Variants in ITGA11 observed in about 807,000 individuals in gnomAD.
ITGA11 encodes integrin alpha-11.
In ITGA11, 97 loss-of-function variants were observed where a neutral mutation model predicts 141.9. That is an observed-to-expected ratio of 0.68 (90% CI 0.58 to 0.81). ITGA11 has a LOEUF of 0.81. Among genes scored for constraint, ITGA11 ranks in the 30% least tolerant of loss-of-function variants. The probability of loss-of-function intolerance (pLI) is 0.00; values close to 1 mark genes in which losing one functional copy is unlikely to be tolerated. For synonymous variants in ITGA11, 658 were observed against 624.6 expected (o/e 1.05, Z -0.80); for missense variants, 1,387 against 1,559.2 (o/e 0.89, Z 1.86).
chr15:68,396,201 G>T (rs1048115360), intron 2 of ITGA11, among the ~76,000 whole-genome samples: 4 of 151,944 alleles, frequency 2.6e-5, no homozygotes, highest in African/African-American at 7.3e-5. Flanking sequence ...ACCAAATGAG[G>T]TTTATCCCAG....
intron 1 of ITGA11, among the ~76,000 whole-genome samples, chr15:68,410,918 G>A (rs1401650762): frequency 1.3e-5 from 2 of 152,212 alleles, no homozygotes; most frequent in African/African-American, 4.8e-5. Flanking sequence ...CAGGGATACT[G>A]CCCTTGGGGA....
chr15:68,321,587 C>A lies in ITGA11; in HGVS notation c.2323-84G>T. 2.7e-6 allele frequency: 2 copies of A among 746,876 alleles called. No homozygotes were observed. The highest frequency in any genetic ancestry group is 4.3e-6 in the Non-Finnish European group (2 of 468,358). 46.3% of individuals were successfully genotyped at this position (746,876 alleles called of 1,614,324 possible). On this transcript the variant is annotated intron_variant, in intron 18 of 29. Coordinates refer to ENST00000315757, the MANE Select transcript of ITGA11 (RefSeq NM_001004439.2). This position sits in a 1 kb window ranked among gnomAD's most constrained non-coding sequence, Gnocchi z 4.9. ...CAATGTACACCAGCTCTGTCTCCAC[C>A]ACACTAGACATGGGCTGGCTTTCCT...
rs1305168912 is a variant in ITGA11, at chr15:68,388,689, CCT to C, written c.164+14227_164+14228del. Among the ~76,000 whole-genome samples the C allele has an allele frequency of 2.0e-5, 3 of 152,288 alleles. No homozygotes were observed. The East Asian group carries it at 5.8e-4, about 29-fold the overall frequency. On this transcript the variant is annotated intron_variant, in intron 2 of 29. Coordinates refer to ENST00000315757, the MANE Select transcript of ITGA11 (RefSeq NM_001004439.2). The stretch of plus-strand genomic sequence containing the variant: ...CATGCCCCTTTCTCAAGCCCCCACC[CCT>C]TAGCTTGAGCATCCTCTTTGCTCAC...
chr15:68,375,495 C>A (rs568614153), intron 2 of ITGA11, among the ~76,000 whole-genome samples: 27 of 152,304 alleles, frequency 1.8e-4, no homozygotes, highest in Non-Finnish European at 2.8e-4. Flanking sequence ...GACCCCGGGG[C>A]TGCCCTGGCT....
chr15:68,376,706 G>T (rs1895737385), intron 2 of ITGA11, among the ~76,000 whole-genome samples: 1 of 152,240 alleles, frequency 6.6e-6, no homozygotes, highest in African/African-American at 2.4e-5. Context: ...GGAAGGCAAG[G>T]TCATTAACTG....
At position 68,415,438 on chromosome 15, in the gene ITGA11, A is replaced by G. The variant is rs77005433; in HGVS notation, c.53-12409T>C. On this transcript the variant is annotated intron_variant, in intron 1 of 29. Coordinates refer to ENST00000315757, the MANE Select transcript of ITGA11 (RefSeq NM_001004439.2). ...ACAGAAGGGAAAGGAGAAGGATTTC[A>G]GCAGCACGGGGGGCTTCTGTGGAAA... is the stretch of plus-strand genomic sequence containing the variant. Among the ~76,000 whole-genome samples the G allele has an allele frequency of 1.9e-3, 290 of 152,364 alleles. 4 individuals carry two copies. The highest frequency in any genetic ancestry group is 6.5e-3 in the African/African-American group (272 of 41,586).
intron 1 of ITGA11, among the ~76,000 whole-genome samples, chr15:68,411,899 AGT>A (rs1464487447): frequency 1.3e-5 from 2 of 151,994 alleles, no homozygotes; most frequent in Non-Finnish European, 2.9e-5. Context: ...CCAGGAAAAG[AGT>A]GAGAGATATT....
intron 1 of ITGA11, among the ~76,000 whole-genome samples, chr15:68,409,699 A>G (rs541910782): frequency 6.6e-6 from 1 of 152,220 alleles, no homozygotes; most frequent in East Asian, 1.9e-4. Context: ...TACATGAACA[A>G]AGCTCTTACT....
intron 11 of ITGA11, chr15:68,336,192 G>A: frequency 3.5e-6 from 1 of 289,612 alleles, no homozygotes; most frequent in Non-Finnish European, 6.5e-6. Flanking sequence ...ATGGGGAGTA[G>A]GGCAGACTCT....
At chr15:68,381,890 C>CAG (rs1895870816) in intron 2 of ITGA11, among the ~76,000 whole-genome samples, 1 of 152,132 alleles carries the variant, frequency 6.6e-6, no homozygotes, top group Admixed American at 6.5e-5. Context: ...AACTACAGCA[C>CAG]AGAGAGGCGA....
At position 68,309,898 on chromosome 15, in the gene ITGA11, C is replaced by T. The variant is rs140022629; in HGVS notation, c.3174+1096G>A. On this transcript the variant is annotated intron_variant, in intron 26 of 29. Coordinates refer to ENST00000315757, the MANE Select transcript of ITGA11 (RefSeq NM_001004439.2). ...GATTACAGGCATGAGCCACCGTGCA[C>T]GGCCTAATGCAGTTTTGTTTACATT... Among the ~76,000 whole-genome samples the T allele has an allele frequency of 2.1e-3, 321 of 152,240 alleles. 1 individual carries two copies. Among genetic ancestry groups the T allele is most frequent in the Admixed American group, 3.9e-3 (60 of 15,300 alleles).
chr15:68,413,843 C>A (rs778433509), intron 1 of ITGA11, among the ~76,000 whole-genome samples: 1 of 152,172 alleles, frequency 6.6e-6, no homozygotes, highest in Admixed American at 6.5e-5. Context: ...CGGAGCCATG[C>A]GCATTTAGGA....
Position 68,357,008 on chromosome 15 carries a change from CCAGT to C in ITGA11, c.749+139_749+142del, listed in dbSNP as rs1398847986. On this transcript the variant is annotated intron_variant, in intron 7 of 29. Transcript: ENST00000315757. ...CCAAGAGAAAACCGACCAGCTGAGC[CCAGT>C]CAAACTCCAGAATTTTGAGGAATTA... is the stretch of plus-strand genomic sequence containing the variant. The C allele has an allele frequency of 1.3e-5, 10 of 759,176 alleles. No individual in the cohort carries two copies. The East Asian group carries it at 1.4e-4, about 10-fold the overall frequency. 47.0% of individuals were successfully genotyped at this position (759,176 alleles called of 1,614,324 possible).
rs1248094721 is a variant in ITGA11, at chr15:68,324,105, TTTGCCAGCC to T, written c.2322+1017_2322+1025del. ...CCGGCTCACTAACGATGAATCCAGC[TTTGCCAGCC>T]CAGGAGCTCAGACTTAGGAGAAAGA... is the stretch of plus-strand genomic sequence containing the variant. On this transcript the variant is annotated intron_variant, in intron 18 of 29. Coordinates refer to ENST00000315757, the MANE Select transcript of ITGA11 (RefSeq NM_001004439.2). The surrounding 1 kb of genome is among the most constrained non-coding windows in gnomAD (Gnocchi z 6.3). Among the ~76,000 whole-genome samples the T allele has an allele frequency of 2.0e-5, 3 of 151,976 alleles. No individual in the cohort carries two copies. The highest frequency in any genetic ancestry group is 2.9e-5 in the Non-Finnish European group (2 of 67,990).
chr15:68,371,667 G>A (rs4356422), intron 2 of ITGA11, among the ~76,000 whole-genome samples: 31,002 of 151,824 alleles, frequency 0.2, 3,561 homozygotes, highest in African/African-American at 0.28. Flanking sequence ...GCAGTGAGCC[G>A]AGATCATGCC....
intron 4 of ITGA11, among the ~76,000 whole-genome samples, chr15:68,363,171 T>C (rs1165168891): frequency 6.6e-6 from 1 of 152,116 alleles, no homozygotes; most frequent in Admixed American, 6.5e-5. Context: ...GTTGGATAGA[T>C]GAATGGAGGA....
chr15:68,368,383 C>T (rs1895491685), intron 3 of ITGA11, among the ~76,000 whole-genome samples: 1 of 152,214 alleles, frequency 6.6e-6, no homozygotes, highest in Admixed American at 6.5e-5. Context: ...TGCTGTCTGA[C>T]CTTTAGGACA....
At chr15:68,351,067 T>C (rs1567140314) in intron 8 of ITGA11, among the ~76,000 whole-genome samples, 191 bp downstream of exon 8, 1 of 152,154 alleles carries the variant, frequency 6.6e-6, no homozygotes, top group Admixed American at 6.5e-5. Context: ...ACACAACCCG[T>C]AGCTTTTGTG....
At chr15:68,396,038 T>G (rs1485833168) in intron 2 of ITGA11, among the ~76,000 whole-genome samples, 2 of 152,016 alleles carry the variant, frequency 1.3e-5, no homozygotes, top group South Asian at 4.1e-4. Flanking sequence ...TAGCACATTT[T>G]ATGAGCTCTG....
Sources: gnomAD v4.1 joint callset for allele counts (sites outside exome capture counted in the v4.1 genomes callset) on GRCh38, gnomAD v4.1.1 for gene constraint, Gnocchi (gnomAD v3.1) non-coding constraint, MANE v1.5 for transcripts, NCBI Gene and HGNC (gene_info 2026-07-23, HGNC 2026-07-21) for gene names.